Variants in ROR1 observed in about 807,000 individuals in gnomAD.
ROR1 encodes the protein inactive tyrosine-protein kinase transmembrane receptor ROR1.
In ROR1, 19 loss-of-function variants were observed where a neutral mutation model predicts 78.8. That is an observed-to-expected ratio of 0.24 (90% CI 0.17 to 0.35). The LOEUF is 0.35. ROR1 is among the 10% of genes least tolerant of loss of function. The pLI is 1.00. For missense variants in ROR1, 917 were observed against 1,177.8 expected, an observed-to-expected ratio of 0.78 and a Z score of 3.24; for synonymous variants, 386 against 433.6, an observed-to-expected ratio of 0.89 and a Z score of 1.36.
At chr1:63,832,800 G>A (rs182777609) in intron 1 of ROR1, among the ~76,000 whole-genome samples, 18 of 152,322 alleles carry the variant, frequency 1.2e-4, no homozygotes, top group African/African-American at 3.8e-4. Context: ...GGTGGACTCA[G>A]AAGACGGCAC....
chr1:63,872,837 C>CTTCAT (rs201609660), intron 1 of ROR1, among the ~76,000 whole-genome samples: 5,476 of 152,212 alleles, frequency 0.036, 198 homozygotes, highest in Admixed American at 0.11. Flanking sequence ...ACACAATTAT[C>CTTCAT]TTCATAGACT....
At chr1:63,889,961 G>A (rs540569377) in intron 1 of ROR1, among the ~76,000 whole-genome samples, 1 of 152,128 alleles carries the variant, frequency 6.6e-6, no homozygotes, top group East Asian at 1.9e-4. Context: ...GGTGGTTGGT[G>A]TATAGATGGT....
chr1:64,003,155 G>A (rs759031418), intron 1 of ROR1, among the ~76,000 whole-genome samples: 2 of 152,006 alleles, frequency 1.3e-5, no homozygotes, highest in Non-Finnish European at 2.9e-5. Context: ...AGAGTCTTTT[G>A]GACTTTGACA....
chr1:63,892,951 G>C (rs1645409667), intron 1 of ROR1, among the ~76,000 whole-genome samples: 1 of 152,126 alleles, frequency 6.6e-6, no homozygotes, highest in Non-Finnish European at 1.5e-5. Flanking sequence ...TGAAACTGAT[G>C]TGTTTGGATT....
intron 4 of ROR1, among the ~76,000 whole-genome samples, chr1:64,054,785 A>G (rs1646861004): frequency 6.6e-6 from 1 of 152,170 alleles, no homozygotes. Flanking sequence ...AAAACAATAG[A>G]AATTTAGTAT....
At chr1:63,916,869 T>C (rs1557560000) in intron 1 of ROR1, among the ~76,000 whole-genome samples, 1 of 152,164 alleles carries the variant, frequency 6.6e-6, no homozygotes, top group Non-Finnish European at 1.5e-5. Flanking sequence ...ATTTCTCCTA[T>C]AAAGCCCTGG....
intron 4 of ROR1, among the ~76,000 whole-genome samples, chr1:64,084,849 G>A (rs550931256): frequency 6.6e-6 from 1 of 152,320 alleles, no homozygotes; most frequent in African/African-American, 2.4e-5. Context: ...CCCTGCAGTG[G>A]GCTGTGCAGG....
intron 2 of ROR1, among the ~76,000 whole-genome samples, chr1:64,037,023 A>T (rs1170483383): frequency 1.3e-5 from 2 of 152,192 alleles, no homozygotes; most frequent in East Asian, 3.9e-4. Flanking sequence ...CTCTCCAAGC[A>T]CTCTCCATGT....
rs1644601684 is a variant in ROR1, at chr1:63,774,623, T to TCCGGCCACCCGCCACGGGGCTCGC, written c.91+117_91+140dup. On this transcript the variant is annotated intron_variant, in intron 1 of 8. Transcript: ENST00000371079. The surrounding 1 kb of genome is among the most constrained non-coding windows in gnomAD (Gnocchi z 5.7). ...AGCGCCGCGCTGGCTCCGGGGCGCGTCCGGCCACCCGCCACGGGGCTCGCC... is the reference window on the plus strand; with the variant it reads ...AGCGCCGCGCTGGCTCCGGGGCGCGTCCGGCCACCCGCCACGGGGCTCGCCCGGCCACCCGCCACGGGGCTCGCC... 1 of 456,232 alleles carries TCCGGCCACCCGCCACGGGGCTCGC rather than the reference T, an allele frequency of 2.2e-6. No individual in the cohort carries two copies. The highest frequency in any genetic ancestry group is 6.4e-5 in the Admixed American group (1 of 15,626). The allele number at this position is 456,232 out of a possible 1,614,324, so 28.3% of individuals were successfully genotyped here. A position where few individuals can be genotyped will look rare whatever the true frequency, so the allele number is the denominator to read the frequency against.
chr1:63,948,517 C>T (rs971532305), intron 1 of ROR1, among the ~76,000 whole-genome samples: 3 of 152,078 alleles, frequency 2.0e-5, no homozygotes, highest in African/African-American at 7.2e-5. Context: ...CACCATATTC[C>T]CAGTACCAAC....
intron 1 of ROR1, among the ~76,000 whole-genome samples, chr1:63,883,231 GA>G (rs368194742): frequency 6.6e-5 from 10 of 151,412 alleles, no homozygotes; most frequent in African/African-American, 1.9e-4. Context: ...CATTCTAGAG[GA>G]AAAAAAATAT....
chr1:63,971,699 A>G (rs999031143), intron 1 of ROR1, among the ~76,000 whole-genome samples: 1 of 152,188 alleles, frequency 6.6e-6, no homozygotes, highest in South Asian at 2.1e-4. Flanking sequence ...ATTGTCTACA[A>G]TCTAATGGGG....
intron 1 of ROR1, among the ~76,000 whole-genome samples, chr1:63,957,828 C>T (rs566449651): frequency 7.0e-4 from 106 of 151,766 alleles, no homozygotes; most frequent in Non-Finnish European, 1.2e-3. Context: ...CTGCAACTTC[C>T]GCCTCCGGGG....
At chr1:63,894,599 G>A (rs1470449415) in intron 1 of ROR1, among the ~76,000 whole-genome samples, 1 of 152,090 alleles carries the variant, frequency 6.6e-6, no homozygotes, top group African/African-American at 2.4e-5. Flanking sequence ...GTAGCACAGG[G>A]GAGGTTTTTG....
intron 1 of ROR1, among the ~76,000 whole-genome samples, chr1:63,933,784 T>C (rs1351725691): frequency 6.6e-6 from 1 of 152,172 alleles, no homozygotes; most frequent in African/African-American, 2.4e-5. Flanking sequence ...AAGCCTGTGT[T>C]CCCACCAGCA....
intron 1 of ROR1, among the ~76,000 whole-genome samples, chr1:63,804,022 G>A (rs1644812289): frequency 6.6e-6 from 1 of 152,076 alleles, no homozygotes; most frequent in Admixed American, 6.6e-5. Context: ...TTGAGATTAT[G>A]CTGAGTAATC....
chr1:63,871,501 G>A (rs2100359799), intron 1 of ROR1, among the ~76,000 whole-genome samples: 1 of 152,224 alleles, frequency 6.6e-6, no homozygotes, highest in African/African-American at 2.4e-5. Flanking sequence ...GACCCCAGTT[G>A]CTCTGTCATG....
chr1:63,880,760 A>G (rs1029411220), intron 1 of ROR1, among the ~76,000 whole-genome samples: 4 of 152,134 alleles, frequency 2.6e-5, no homozygotes, highest in Admixed American at 6.6e-5. Context: ...GAAGTTGCAT[A>G]TCCATCCATC....
chr1:63,794,445 C>G (rs1032871985), intron 1 of ROR1, among the ~76,000 whole-genome samples: 1 of 152,160 alleles, frequency 6.6e-6, no homozygotes, highest in Non-Finnish European at 1.5e-5. Context: ...AGTCTGGCAT[C>G]GAAACTGGCT....
Sources: gnomAD v4.1 joint callset for allele counts (sites outside exome capture counted in the v4.1 genomes callset) on GRCh38, gnomAD v4.1.1 for gene constraint, Gnocchi (gnomAD v3.1) non-coding constraint, MANE v1.5 for transcripts, NCBI Gene and HGNC (gene_info 2026-07-23, HGNC 2026-07-21) for gene names.